GLYR1: variants seen among roughly 807,000 people sequenced by gnomAD.
GLYR1 encodes the protein cytokine-like nuclear factor N-PAC.
GLYR1 carries 21 observed loss-of-function variants against 72.7 expected under a neutral mutation model. The ratio of observed to expected loss-of-function variants is 0.29; its 90% CI spans 0.20 to 0.42. The LOEUF is 0.42. Among genes scored for constraint, GLYR1 ranks in the 10% least tolerant of loss-of-function variants. GLYR1 has a pLI of 1.00. For synonymous variants in GLYR1, 392 were observed against 270.2 expected (o/e 1.45, Z -4.42); for missense variants, 594 against 712.1 (o/e 0.83, Z 1.89).
Position 4,821,587 on chromosome 16 carries a change from C to T in GLYR1, c.692G>A (p.Cys231Tyr). Residue 231 changes from cysteine (C) to tyrosine (Y), a missense_variant, in exon 8 of 16, where the codon TGT becomes TAT. This residue lies in a region of GLYR1 where 252 missense variants were observed against 211.3 expected (regional missense o/e 1.19). Coordinates refer to ENST00000321919, the MANE Select transcript of GLYR1 (RefSeq NM_032569.4). ...LLSQTEKPAVCYQAITKKLKI... is the reference protein window; with the variant it reads ...LLSQTEKPAVYYQAITKKLKI... ...CAACTTCTTCGTGATTGCCTGGTAA[C>T]AGACAGCTGGCTAATGAAGGAGGAG... 6.2e-7 allele frequency: 1 copy of T among 1,614,022 alleles called. No individual in the cohort carries two copies. The highest frequency in any genetic ancestry group is 8.5e-7 in the Non-Finnish European group (1 of 1,180,008).
intron 12 of GLYR1, 134 bp downstream of exon 12, chr16:4,813,603 C>T: frequency 1.3e-6 from 1 of 761,962 alleles, no homozygotes; most frequent in South Asian, 1.6e-5. Flanking sequence ...ATAGGCTAGT[C>T]CCAAGGCTAC....
intron 3 of GLYR1, among the ~76,000 whole-genome samples, chr16:4,835,994 T>TCAC (rs1322683966): frequency 2.6e-5 from 4 of 152,210 alleles, no homozygotes. Context: ...GAGATGGGGT[T>TCAC]CACCATGTTG....
chr16:4,819,013 T>C (rs2083832878), intron 9 of GLYR1, among the ~76,000 whole-genome samples: 1 of 152,206 alleles, frequency 6.6e-6, no homozygotes, highest in Non-Finnish European at 1.5e-5. Flanking sequence ...ACTGCTGCTA[T>C]TTCAACATGC....
At chr16:4,844,889 A>G (rs116436914) in intron 3 of GLYR1, among the ~76,000 whole-genome samples, 185 bp downstream of exon 3, 1,955 of 152,338 alleles carry the variant, frequency 0.013, 49 homozygotes, top group African/African-American at 0.045. Flanking sequence ...GACCTAGGAC[A>G]GTTGTCTAGG....
Position 4,831,994 on chromosome 16 carries a change from G to T in GLYR1, c.522C>A (p.Pro174=), listed in dbSNP as rs966714666. ...GAAAACAAACCTTCTCATCCTTTGG[G>T]GGCCGACCCCGCTTCCGGGGACTTT... ...QEQSPRKRGR[P]PKDEKDLTIP... Residue 174 remains proline (P), a synonymous_variant, in exon 5 of 16, where the codon CCC becomes CCA. Transcript: ENST00000321919. The T allele has an allele frequency of 1.2e-6, 2 of 1,613,656 alleles. No individual in the cohort carries two copies. Among genetic ancestry groups the T allele is most frequent in the Admixed American group, 3.3e-5 (2 of 59,898 alleles).
chr16:4,811,257 C>T lies in GLYR1; in HGVS notation c.1500G>A (p.Leu500=). The stretch of plus-strand genomic sequence containing the variant: ...AGCGGAGATCCTTCTGAATGTATTT[C>T]AGGTAGAAATCAGGCTTAAAGTTTC... ...LQGNFKPDFY[L]KYIQKDLRLA... Residue 500 remains leucine, a synonymous_variant, in exon 15 of 16, where the codon CTG becomes CTA. Coordinates refer to ENST00000321919, the MANE Select transcript of GLYR1 (RefSeq NM_032569.4). The T allele has an allele frequency of 1.2e-6, 2 of 1,614,146 alleles. No homozygotes were observed. Among genetic ancestry groups the T allele is most frequent in the Non-Finnish European group, 1.7e-6 (2 of 1,180,022 alleles).
chr16:4,824,179 G>A (rs1664176938), intron 5 of GLYR1, among the ~76,000 whole-genome samples: 1 of 152,200 alleles, frequency 6.6e-6, no homozygotes, highest in Non-Finnish European at 1.5e-5. Flanking sequence ...TGTCTGCAAA[G>A]TTTCAGAGTA....
At position 4,845,661 on chromosome 16, in the gene GLYR1, C is replaced by T. The variant is rs559006717; in HGVS notation, c.76-508G>A. ...CAAAGAGACCATCTAAAGACACCTCCCGGGCTCCAAGCAAGAATATAAAAA... is the reference window on the plus strand; with the variant it reads ...CAAAGAGACCATCTAAAGACACCTCTCGGGCTCCAAGCAAGAATATAAAAA... On this transcript the variant is annotated intron_variant, in intron 2 of 15. Transcript: ENST00000321919. Among the ~76,000 whole-genome samples the T allele has an allele frequency of 6.6e-5, 10 of 152,208 alleles. No homozygotes were observed. In the East Asian group the frequency reaches 1.5e-3, roughly 23 times the overall value.
intron 3 of GLYR1, among the ~76,000 whole-genome samples, chr16:4,838,086 T>A (rs898527063): frequency 2.6e-5 from 4 of 151,812 alleles, no homozygotes; most frequent in African/African-American, 9.7e-5. Context: ...GGTGCCTTTT[T>A]AAAAAAAATC....
intron 7 of GLYR1, 148 bp downstream of exon 7, chr16:4,822,727 G>T (rs2084116535): frequency 3.0e-6 from 2 of 672,010 alleles, no homozygotes; most frequent in Non-Finnish European, 5.3e-6. Context: ...TGGCTCATTA[G>T]CGGGCCCATA....
Position 4,810,401 on chromosome 16 carries a change from T to C in GLYR1, c.1587+769A>G, listed in dbSNP as rs1372891742. Reference sequence around the variant, plus strand: ...AATCCCAGGCTACTTGGGAGGCTACTTGGGAGGCAGAGGCACAAAAATCTA... The same window carrying C: ...AATCCCAGGCTACTTGGGAGGCTACCTGGGAGGCAGAGGCACAAAAATCTA... On this transcript the variant is annotated intron_variant, in intron 15 of 15. Coordinates refer to ENST00000321919, the MANE Select transcript of GLYR1 (RefSeq NM_032569.4). Among the ~76,000 whole-genome samples, 4 of 151,516 alleles carry C rather than the reference T, an allele frequency of 2.6e-5. No homozygotes were observed. In the East Asian group the frequency reaches 5.8e-4, roughly 22 times the overall value.
rs2083738395 is a variant in GLYR1, at chr16:4,817,708, G to C, written c.807-11C>G. Reference sequence around the variant, plus strand: ...CCCAAAAATCCTATCCTGAAACAGAGAGAGACTGATGAGTTCAGGGTGGAA... The same window carrying C: ...CCCAAAAATCCTATCCTGAAACAGACAGAGACTGATGAGTTCAGGGTGGAA... On this transcript the variant is annotated splice_polypyrimidine_tract_variant and intron_variant, in intron 9 of 15. Transcript: ENST00000321919. 2 of 1,544,652 alleles carry C rather than the reference G, an allele frequency of 1.3e-6. No individual in the cohort carries two copies. Among genetic ancestry groups the C allele is most frequent in the Non-Finnish European group, 1.8e-6 (2 of 1,116,630 alleles).
chr16:4,825,408 GTTC>G (rs1362165520), intron 5 of GLYR1, among the ~76,000 whole-genome samples: 2 of 152,162 alleles, frequency 1.3e-5, no homozygotes, highest in African/African-American at 4.8e-5. Context: ...TACTTGGAAC[GTTC>G]TTCTGACAGT....
chr16:4,822,782 C>G lies in GLYR1; in HGVS notation c.681+93G>C, dbSNP rs1596343472. ...TGCTCTGGGCAATACACCGGCAGAG[C>G]CTAACTTTTCAGATGGCCAGGCCAG... On this transcript the variant is annotated intron_variant, in intron 7 of 15. Coordinates refer to ENST00000321919, the MANE Select transcript of GLYR1 (RefSeq NM_032569.4). 4.7e-6 allele frequency: 5 copies of G among 1,066,650 alleles called. No individual in the cohort carries two copies. The East Asian group carries it at 7.1e-5, about 15-fold the overall frequency. The allele number at this position is 1,066,650 out of a possible 1,614,324, so 66.1% of individuals were successfully genotyped here.
chr16:4,826,433 G>A (rs960392184), intron 5 of GLYR1, among the ~76,000 whole-genome samples: 1 of 152,234 alleles, frequency 6.6e-6, no homozygotes, highest in Non-Finnish European at 1.5e-5. Context: ...TCCAGGGTCT[G>A]TCATATTAGA....
chr16:4,835,916 G>A (rs2142025898), intron 3 of GLYR1, among the ~76,000 whole-genome samples: 1 of 152,228 alleles, frequency 6.6e-6, no homozygotes, highest in South Asian at 2.1e-4. Context: ...AATCACTTTG[G>A]CTATCTGAAT....
At chr16:4,824,515 A>AG (rs1220494191) in intron 5 of GLYR1, among the ~76,000 whole-genome samples, 7 of 150,944 alleles carry the variant, frequency 4.6e-5, no homozygotes, top group African/African-American at 1.5e-4. Context: ...AAAAAAAAAA[A>AG]GAAAAAAAAG....
intron 5 of GLYR1, among the ~76,000 whole-genome samples, chr16:4,827,404 T>C (rs572365154): frequency 3.0e-4 from 45 of 152,338 alleles, no homozygotes; most frequent in African/African-American, 9.6e-4. Context: ...CTATCTGTCC[T>C]GTACCACATG....
At position 4,814,627 on chromosome 16, in the gene GLYR1, C is replaced by T. The variant is rs968288870; in HGVS notation, c.927G>A (p.Glu309=). 1.9e-6 allele frequency: 3 copies of T among 1,613,976 alleles called. No individual in the cohort carries two copies. Among genetic ancestry groups the T allele is most frequent in the Non-Finnish European group, 2.5e-6 (3 of 1,179,930 alleles). The change falls in exon 11 of 16, where the codon GAG becomes GAA. Residue 309 remains glutamate (E), a synonymous_variant. Transcript: ENST00000321919. ...TAEKCDLFIQ[E]GARLGRTPAE... is the part of the protein sequence containing the mutation. The stretch of plus-strand genomic sequence containing the variant: ...CGGGGGTTCTTCCCAGACGGGCCCC[C>T]TCCTGGATGAACAAATCACACTGCA...
Sources: allele counts gnomAD v4.1 joint callset (sites outside exome capture counted in the v4.1 genomes callset), GRCh38; gene constraint gnomAD v4.1.1; regional missense constraint gnomAD v4.1.1; transcripts MANE v1.5; gene names NCBI Gene and HGNC (gene_info 2026-07-23, HGNC 2026-07-21).